CEP290: variants seen among roughly 807,000 people sequenced by gnomAD.
CEP290 encodes the protein centrosomal protein 290.
Under a neutral mutation model 344.9 loss-of-function variants are expected in CEP290, and 317 were observed. The ratio of observed to expected loss-of-function variants is 0.92; its 90% CI spans 0.84 to 1.01. The LOEUF (loss-of-function observed/expected upper bound fraction) is 1.01, where lower values mean the gene tolerates loss of function less well. CEP290 is among the 50% of genes least tolerant of loss of function. The pLI, the probability that CEP290 is intolerant of heterozygous loss-of-function variation, is 0.00. For synonymous variants in CEP290, 932 were observed against 895.8 expected, an observed-to-expected ratio of 1.04 and a Z score of -0.72; for missense variants, 2,754 against 2,761.4, an observed-to-expected ratio of 1.00 and a Z score of 0.06.
At chr12:88,140,332 A>G (rs1270240441) in intron 3 of CEP290, among the ~76,000 whole-genome samples, 1 of 152,124 alleles carries the variant, frequency 6.6e-6, no homozygotes, top group Non-Finnish European at 1.5e-5. Context: ...GTATTTTTGT[A>G]CCTATCAATT....
At chr12:88,058,665 C>T in intron 49 of CEP290, 183 bp downstream of exon 49, 1 of 655,712 alleles carries the variant, frequency 1.5e-6, no homozygotes, top group East Asian at 2.8e-5. Context: ...ACAAGTTAAA[C>T]ATTTCAAGGA....
At chr12:88,089,734 T>G (rs1009626293) in intron 30 of CEP290, among the ~76,000 whole-genome samples, 2 of 150,684 alleles carry the variant, frequency 1.3e-5, no homozygotes, top group Non-Finnish European at 3.0e-5. Context: ...GTGTTTTTTT[T>G]TTTTTTTTTT....
chr12:88,054,503 T>A, intron 50 of CEP290, 90 bp from the exon 51 acceptor site: 1 of 1,031,106 alleles, frequency 9.7e-7, no homozygotes, highest in Non-Finnish European at 1.4e-6. Context: ...AGCGTAATAT[T>A]AAAATATGGT....
At chr12:88,097,023 A>G (rs1270792231) in intron 26 of CEP290, 24 bp from the exon 27 acceptor site, 2 of 1,167,766 alleles carry the variant, frequency 1.7e-6, no homozygotes, top group Middle Eastern at 1.9e-4. Flanking sequence ...AAATATCACT[A>G]AGAAACTACA....
chr12:88,074,614 C>T (rs2035622841), intron 41 of CEP290, among the ~76,000 whole-genome samples: 1 of 152,192 alleles, frequency 6.6e-6, no homozygotes, highest in South Asian at 2.1e-4. Context: ...CCGAGCACAC[C>T]TCAGAAAAGA....
At chr12:88,135,805 A>C (rs1565924202) in intron 6 of CEP290, 1 of 152,162 alleles carries the variant, frequency 6.6e-6, no homozygotes, top group Non-Finnish European at 1.5e-5. Context: ...AAGGACACAA[A>C]GGTGGAAAAC....
chr12:88,138,143 C>T (rs927897976), intron 5 of CEP290, among the ~76,000 whole-genome samples: 4 of 152,160 alleles, frequency 2.6e-5, no homozygotes, highest in Non-Finnish European at 4.4e-5. Flanking sequence ...GCCTGTCCTT[C>T]GACCTCACAG....
intron 41 of CEP290, 68 bp from the exon 42 acceptor site, chr12:88,071,994 A>G (rs1156553103): frequency 4.4e-6 from 6 of 1,364,508 alleles, no homozygotes; most frequent in East Asian, 2.6e-5. Flanking sequence ...TGATTTATCA[A>G]TTATAATTTG....
At chr12:88,097,408 C>T (rs554982777) in intron 26 of CEP290, among the ~76,000 whole-genome samples, 153 of 152,026 alleles carry the variant, frequency 1.0e-3, no homozygotes, top group African/African-American at 3.5e-3. Context: ...CTTCTAATTC[C>T]GGCCACCATG....
Position 88,064,097 on chromosome 12 carries a change from C to T in CEP290, c.6154G>A (p.Asp2052Asn). The T allele has an allele frequency of 6.4e-7, 1 of 1,568,902 alleles. No homozygotes were observed. The highest frequency in any genetic ancestry group is 8.6e-7 in the Non-Finnish European group (1 of 1,156,960). ...SKPSISGIES[D>N]DHCQREQELQ... The stretch of plus-strand genomic sequence containing the variant: ...TCCTGTTCTCTCTGACAATGATCAT[C>T]TGACTCTATTCCTGAAATCTTCAGG... The change falls in exon 45 of 54, where the codon GAT becomes AAT. Residue 2052 changes from aspartate to asparagine, a missense_variant. Physicochemically the swap from Asp to Asn is conservative, Grantham distance 23. Transcript: ENST00000552810.
chr12:88,055,731 GA>G lies in CEP290; in HGVS notation c.6819-15del, dbSNP rs1376803507. ...GTTTCATACATTCTAAAAGTATAAG[GA>G]AAAAAAGTATAGACATGGCAAATAA... On this transcript the variant is annotated splice_polypyrimidine_tract_variant and intron_variant, in intron 49 of 53. Transcript: ENST00000552810. 14 of 1,452,044 alleles carry G rather than the reference GA, an allele frequency of 9.6e-6. No homozygotes were observed. The highest frequency in any genetic ancestry group is 1.3e-5 in the Non-Finnish European group (14 of 1,088,354). 89.9% of individuals were successfully genotyped at this position (1,452,044 alleles called of 1,614,324 possible). A position where few individuals can be genotyped will look rare whatever the true frequency, so the allele number is the denominator to read the frequency against.
At position 88,114,152 on chromosome 12, in the gene CEP290, T is replaced by C. The variant is rs60380764; in HGVS notation, c.2052+268A>G. 0.049 allele frequency among the ~76,000 whole-genome samples: 7,522 copies of C among 152,036 alleles called. 633 individuals carry two copies. The highest frequency in any genetic ancestry group is 0.17 in the African/African-American group (7,134 of 41,488). On this transcript the variant is annotated intron_variant, in intron 20 of 53. Transcript: ENST00000552810. ...GAGCTCCAAAGTCGGTGTAAAAAAC[T>C]CCTCAAGGTCTCAAGCTGACCCTTG...
chr12:88,130,512 A>G (rs931660870), intron 8 of CEP290, 33 bp downstream of exon 8: 4 of 1,593,316 alleles, frequency 2.5e-6, no homozygotes, highest in Non-Finnish European at 3.4e-6. Flanking sequence ...CATATTTTAA[A>G]TTCCCAAGAT....
chr12:88,103,101 G>C, intron 25 of CEP290, 90 bp from the exon 26 acceptor site: 1 of 681,522 alleles, frequency 1.5e-6, no homozygotes, highest in East Asian at 3.5e-5. Context: ...ACAACTTAAA[G>C]TAAAACGAAT....
chr12:88,082,879 T>C (rs1025689130), intron 37 of CEP290, among the ~76,000 whole-genome samples, 152 bp downstream of exon 37: 3 of 151,996 alleles, frequency 2.0e-5, no homozygotes, highest in Non-Finnish European at 4.4e-5. Context: ...ATGGGGAAAA[T>C]GATAACATAT....
chr12:88,077,281 GT>G lies in CEP290; in HGVS notation c.5649del (p.Lys1883AsnfsTer2). On this transcript the variant is annotated frameshift_variant, in exon 41 of 54. Transcript: ENST00000552810. LOFTEE classifies it high-confidence loss of function. ...ACCTTTCCCTCTAATTGGTTCTCTA[GT>G]TTTTTAACTTTCCTTTGGAGTTCTT... The part of the protein sequence containing the change: ...LIEELQRKVK[K>X]LENQLEGKVE... 6.2e-7 allele frequency: 1 copy of G among 1,602,848 alleles called. No individual in the cohort carries two copies. The highest frequency in any genetic ancestry group is 8.5e-7 in the Non-Finnish European group (1 of 1,175,088).
intron 43 of CEP290, 130 bp from the exon 44 acceptor site, chr12:88,068,775 CCTT>C: frequency 1.2e-6 from 1 of 850,246 alleles, no homozygotes. Context: ...ATTCTTCAAA[CCTT>C]CTAAACTTTA....
chr12:88,130,184 G>T, intron 9 of CEP290, 84 bp downstream of exon 9: 2 of 1,283,334 alleles, frequency 1.6e-6, no homozygotes, highest in Non-Finnish European at 2.2e-6. Context: ...GAATTTACAT[G>T]TAGGGCTAAA....
intron 45 of CEP290, among the ~76,000 whole-genome samples, 181 bp from the exon 46 acceptor site, chr12:88,062,959 G>A (rs937608607): frequency 1.3e-5 from 2 of 152,070 alleles, no homozygotes; most frequent in Admixed American, 1.3e-4. Context: ...AGAATATTGT[G>A]TATATGAAAT....
Sources: gnomAD v4.1 joint callset for allele counts (sites outside exome capture counted in the v4.1 genomes callset) on GRCh38, gnomAD v4.1.1 for gene constraint, MANE v1.5 for transcripts, NCBI Gene and HGNC (gene_info 2026-07-23, HGNC 2026-07-21) for gene names.